The following AGAP3 variants were observed in gnomAD, a reference collection of about 807,000 sequenced individuals.
AGAP3 encodes the protein arf-GAP with GTPase, ANK repeat and PH domain-containing protein 3.
A neutral mutation model predicts 96.9 loss-of-function variants in AGAP3; 24 were observed. That is an observed-to-expected ratio of 0.25 (90% CI 0.18 to 0.35). The LOEUF (loss-of-function observed/expected upper bound fraction) is 0.35. Ranked by LOEUF, AGAP3 falls within the 10% of genes least tolerant of loss-of-function variation. The probability of loss-of-function intolerance (pLI) is 1.00; values close to 1 mark genes in which losing one functional copy is unlikely to be tolerated. For missense variants in AGAP3, 876 were observed against 1,254.2 expected (o/e 0.70, Z 4.55); for synonymous variants, 563 against 536.1 (o/e 1.05, Z -0.69).
intron 1 of AGAP3, among the ~76,000 whole-genome samples, chr7:151,109,565 T>A (rs1436955174): frequency 6.6e-6 from 1 of 151,956 alleles, no homozygotes; most frequent in Non-Finnish European, 1.5e-5. Flanking sequence ...AGGACACGAG[T>A]CAGATTGGAT....
rs888045865 is a variant in AGAP3 at position 151,120,224 on chromosome 7, G to A, written c.1128+79G>A. The A allele has an allele frequency of 6.8e-6, 10 of 1,464,036 alleles. No individual in the cohort carries two copies. In the East Asian group the frequency reaches 1.4e-4, roughly 20 times the overall value. 90.7% of individuals were successfully genotyped at this position (1,464,036 alleles called of 1,614,324 possible). On this transcript the variant is annotated intron_variant, in intron 8 of 17. Coordinates refer to ENST00000397238, the MANE Select transcript of AGAP3 (RefSeq NM_031946.7). ...TGAGCGCCGAGCTCCCAGCCAGGAG[G>A]GGCGTGGGCAGCCCCAAGTCAGGAA...
intron 1 of AGAP3, among the ~76,000 whole-genome samples, chr7:151,105,700 G>A (rs1242149052): frequency 6.7e-6 from 1 of 148,958 alleles, no homozygotes; most frequent in Non-Finnish European, 1.5e-5. Flanking sequence ...CGGGAGGGGA[G>A]AGGCTCCAGT....
intron 1 of AGAP3, among the ~76,000 whole-genome samples, chr7:151,105,084 G>A (rs924608007): frequency 1.3e-5 from 2 of 152,234 alleles, no homozygotes; most frequent in African/African-American, 4.8e-5. Context: ...TTCTGAGCAT[G>A]TTGTGAATGT....
intron 1 of AGAP3, chr7:151,115,372 G>A (rs1799513474): frequency 2.0e-6 from 2 of 1,022,092 alleles, no homozygotes; most frequent in Non-Finnish European, 2.3e-6. Flanking sequence ...CAGGAGGTGC[G>A]GCGCTCCGAG....
chr7:151,087,820 C>T (rs1438530691), intron 1 of AGAP3, among the ~76,000 whole-genome samples: 1 of 152,246 alleles, frequency 6.6e-6, no homozygotes. Context: ...GGCCCTTAGG[C>T]CCTGGACTTT....
chr7:151,120,753 C>G (rs902704661), intron 8 of AGAP3: 2 of 1,199,614 alleles, frequency 1.7e-6, no homozygotes, highest in Admixed American at 3.1e-5. Context: ...CAGGTTTGTC[C>G]TGTCTCCTTG....
Position 151,128,610 on chromosome 7 carries a change from C to T in AGAP3, c.1252C>T (p.Leu418=), listed in dbSNP as rs777305675. The change falls in exon 10 of 18, where the codon CTG becomes TTG. Residue 418 remains leucine (L), a synonymous_variant. Transcript: ENST00000397238. Reference sequence around the variant, plus strand: ...CCTGCTAAAGCGGAGCGGCAAGTCCCTGAACAAGGAGTGGAAGAAGAAGTA... The same window carrying T: ...CCTGCTAAAGCGGAGCGGCAAGTCCTTGAACAAGGAGTGGAAGAAGAAGTA... ...GILLKRSGKS[L]NKEWKKKYVT... 2 of 1,613,702 alleles carry T rather than the reference C, an allele frequency of 1.2e-6. No individual in the cohort carries two copies. Among genetic ancestry groups the T allele is most frequent in the Non-Finnish European group, 8.5e-7 (1 of 1,179,932 alleles).
intron 1 of AGAP3, among the ~76,000 whole-genome samples, chr7:151,098,733 CTTTTTTTTTTT>C (rs34617813): frequency 1.7e-5 from 2 of 116,114 alleles, no homozygotes; most frequent in African/African-American, 6.5e-5. Context: ...ATTTTCTTTT[CTTTTTTTTTTT>C]TTTTTTTTGA....
At chr7:151,128,427 A>T in intron 9 of AGAP3, 153 bp from the exon 10 acceptor site, 1 of 612,318 alleles carries the variant, frequency 1.6e-6, no homozygotes, top group East Asian at 2.8e-5. Context: ...GGCCTTCCCA[A>T]GTTCACCGAT....
intron 1 of AGAP3, among the ~76,000 whole-genome samples, chr7:151,109,184 A>C (rs1799181166): frequency 1.4e-5 from 2 of 145,166 alleles, no homozygotes; most frequent in South Asian, 2.1e-4. Flanking sequence ...AAAAAAACAA[A>C]AAACAAAAAA....
At position 151,138,172 on chromosome 7, in the gene AGAP3, C is replaced by A; in HGVS notation, c.1525C>A (p.Leu509Met). 6.2e-7 allele frequency: 1 copy of A among 1,608,130 alleles called. No individual in the cohort carries two copies. ...CCCCCACTCGGCCAGCAGCGCATCC[C>A]TGCACTCTGAGCGCCCCCTCAGCAG... ...GAPHSASSAS[L>M]HSERPLSSSA... The change falls in exon 12 of 18, where the codon CTG becomes ATG. Residue 509 changes from leucine (L) to methionine (M), a missense_variant. Leu to Met is a conservative substitution (Grantham distance 15, BLOSUM62 2). Coordinates refer to ENST00000397238, the MANE Select transcript of AGAP3 (RefSeq NM_031946.7).
At chr7:151,110,383 C>T (rs576322218) in intron 1 of AGAP3, among the ~76,000 whole-genome samples, 9 of 152,290 alleles carry the variant, frequency 5.9e-5, no homozygotes, top group South Asian at 2.1e-4. Context: ...GCTTCAGCCA[C>T]GGTCCAAATG....
intron 1 of AGAP3, among the ~76,000 whole-genome samples, chr7:151,107,735 G>C (rs560798739): frequency 2.0e-5 from 3 of 152,226 alleles, no homozygotes; most frequent in Non-Finnish European, 4.4e-5. Flanking sequence ...GGCTCATTGG[G>C]TTGGAAGAGG....
chr7:151,119,813 C>T (rs1054574125), intron 7 of AGAP3, among the ~76,000 whole-genome samples, 174 bp from the exon 8 acceptor site: 1 of 152,212 alleles, frequency 6.6e-6, no homozygotes, highest in African/African-American at 2.4e-5. Flanking sequence ...GTAGATCCTG[C>T]TGGCCTCCAG....
intron 9 of AGAP3, among the ~76,000 whole-genome samples, chr7:151,126,298 G>A (rs1800167586): frequency 6.6e-6 from 1 of 152,002 alleles, no homozygotes; most frequent in African/African-American, 2.4e-5. Context: ...GAGAAACCGC[G>A]CGCAGTGCAG....
At chr7:151,131,142 G>A (rs1056829095) in intron 10 of AGAP3, 1 of 152,242 alleles carries the variant, frequency 6.6e-6, no homozygotes, top group African/African-American at 2.4e-5. Flanking sequence ...CGGGGAGACA[G>A]GACACACAGA....
Position 151,143,974 on chromosome 7 carries a change from G to A in AGAP3, c.*31G>A. On this transcript the variant is annotated 3_prime_UTR_variant, in exon 18 of 18. Coordinates refer to ENST00000397238, the MANE Select transcript of AGAP3 (RefSeq NM_031946.7). This position sits in a 1 kb window ranked among gnomAD's most constrained non-coding sequence, Gnocchi z 5.9. Reference sequence around the variant, plus strand: ...AGGAAGAGGGCAGAGGGGCCAGAAGGACTCCATGGCCCAAAGACCCTCCTC... The same window carrying A: ...AGGAAGAGGGCAGAGGGGCCAGAAGAACTCCATGGCCCAAAGACCCTCCTC... The A allele has an allele frequency of 1.2e-6, 2 of 1,600,388 alleles. No homozygotes were observed. Among genetic ancestry groups the A allele is most frequent in the Non-Finnish European group, 8.6e-7 (1 of 1,168,926 alleles).
At chr7:151,113,666 G>A (rs1585065965) in intron 1 of AGAP3, among the ~76,000 whole-genome samples, 1 of 152,208 alleles carries the variant, frequency 6.6e-6, no homozygotes, top group Admixed American at 6.5e-5. Flanking sequence ...CTCCTGATCC[G>A]TGGCTGGTAT....
At chr7:151,086,063 C>G (rs1233676945), upstream of AGAP3, 1 of 152,382 alleles carries the variant, frequency 6.6e-6, no homozygotes, top group Admixed American at 6.5e-5. Context: ...CAGCCTCGGT[C>G]AGCAGCACCC....
Sources: allele counts gnomAD v4.1 joint callset (sites outside exome capture counted in the v4.1 genomes callset), GRCh38; gene constraint gnomAD v4.1.1; non-coding constraint Gnocchi (gnomAD v3.1); transcripts MANE v1.5; gene names NCBI Gene and HGNC (gene_info 2026-07-23, HGNC 2026-07-21).